Variants in MAPK8IP1 observed in about 807,000 individuals in gnomAD.
MAPK8IP1 encodes C-Jun-amino-terminal kinase-interacting protein 1.
A neutral mutation model predicts 72.6 loss-of-function variants in MAPK8IP1; 17 were observed. The observed-to-expected ratio is 0.23, with a 90% CI of 0.16 to 0.35. The LOEUF is 0.35. Ranked by LOEUF, MAPK8IP1 falls within the 10% of genes least tolerant of loss-of-function variation. MAPK8IP1 has a pLI of 1.00. For missense variants in MAPK8IP1, 789 were observed against 1,009.7 expected (o/e 0.78, Z 2.96); for synonymous variants, 401 against 443.4 (o/e 0.90, Z 1.20).
At chr11:45,887,733 C>T (rs1223592181) in intron 1 of MAPK8IP1, among the ~76,000 whole-genome samples, 1 of 152,126 alleles carries the variant, frequency 6.6e-6, no homozygotes. Context: ...TGGCAGTAGG[C>T]CACGAGGCTG....
At position 45,904,386 on chromosome 11, in the gene MAPK8IP1, C is replaced by G. The variant is rs2086685520; in HGVS notation, c.1667-69C>G. 1 of 1,377,414 alleles carries G rather than the reference C, an allele frequency of 7.3e-7. No homozygotes were observed. Among genetic ancestry groups the G allele is most frequent in the Non-Finnish European group, 1.0e-6 (1 of 973,734 alleles). The allele number at this position is 1,377,414 out of a possible 1,614,324, so 85.3% of individuals were successfully genotyped here. On this transcript the variant is annotated intron_variant, in intron 7 of 11. Coordinates refer to ENST00000241014, the MANE Select transcript of MAPK8IP1 (RefSeq NM_005456.4). The surrounding 1 kb of genome is among the most constrained non-coding windows in gnomAD (Gnocchi z 6.4). ...TGCCATTCCCCGTGCCTCACCCACCCTCCTTCACTTGGCTGCTCAGCTCCC... is the reference window on the plus strand; with the variant it reads ...TGCCATTCCCCGTGCCTCACCCACCGTCCTTCACTTGGCTGCTCAGCTCCC...
intron 1 of MAPK8IP1, chr11:45,896,796 C>T (rs2086609621): frequency 6.5e-7 from 1 of 1,541,240 alleles, no homozygotes; most frequent in South Asian, 1.2e-5. Flanking sequence ...CCCAGCCCTG[C>T]CTTGAGCCCT....
In MAPK8IP1 at chr11:45,905,740, T is replaced by G; in HGVS notation, c.*19T>G. 1.2e-6 allele frequency: 2 copies of G among 1,610,894 alleles called. No individual in the cohort carries two copies. Among genetic ancestry groups the G allele is most frequent in the Non-Finnish European group, 1.7e-6 (2 of 1,178,192 alleles). On this transcript the variant is annotated 3_prime_UTR_variant, in exon 12 of 12. Coordinates refer to ENST00000241014, the MANE Select transcript of MAPK8IP1 (RefSeq NM_005456.4). Reference sequence around the variant, plus strand: ...GGAGTAGCTGTGCAGCCCCGCCCTCTGCGTCCCCCAGCCCTCAGGCCAGTG... The same window carrying G: ...GGAGTAGCTGTGCAGCCCCGCCCTCGGCGTCCCCCAGCCCTCAGGCCAGTG...
Position 45,903,497 on chromosome 11 carries a change from C to A in MAPK8IP1, c.1493+57C>A. Reference sequence around the variant, plus strand: ...GGCAGCAGTTTGGGCCACACACCACCCTCTACTTGTCACCCCTACATGGCC... The same window carrying A: ...GGCAGCAGTTTGGGCCACACACCACACTCTACTTGTCACCCCTACATGGCC... On this transcript the variant is annotated intron_variant, in intron 6 of 11. Transcript: ENST00000241014. The surrounding 1 kb of genome is among the most constrained non-coding windows in gnomAD (Gnocchi z 6.4). 1 of 1,451,764 alleles carries A rather than the reference C, an allele frequency of 6.9e-7. No homozygotes were observed. Among genetic ancestry groups the A allele is most frequent in the Non-Finnish European group, 9.5e-7 (1 of 1,054,258 alleles). 89.9% of individuals were successfully genotyped at this position (1,451,764 alleles called of 1,614,324 possible).
intron 1 of MAPK8IP1, among the ~76,000 whole-genome samples, chr11:45,891,947 G>C (rs545144436): frequency 1.3e-5 from 2 of 152,324 alleles, no homozygotes; most frequent in African/African-American, 4.8e-5. Flanking sequence ...TTTCCTCGAA[G>C]CAGTTTCCCA....
At position 45,902,472 on chromosome 11, in the gene MAPK8IP1, C is replaced by T. The variant is rs539729449; in HGVS notation, c.705C>T (p.Ser235=). 2 of 1,603,278 alleles carry T rather than the reference C, an allele frequency of 1.2e-6. No individual in the cohort carries two copies. Among genetic ancestry groups the T allele is most frequent in the Admixed American group, 3.4e-5 (2 of 58,646 alleles). ...CAGATCGAGGCACCTCCACCGACAG[C>T]CCTTGCCGCCGCAGCACAGCCACCC... ...PTTDRGTSTD[S]PCRRSTATQM... Residue 235 remains serine, a synonymous_variant, in exon 5 of 12, where the codon AGC becomes AGT. Coordinates refer to ENST00000241014, the MANE Select transcript of MAPK8IP1 (RefSeq NM_005456.4). This position sits in a 1 kb window ranked among gnomAD's most constrained non-coding sequence, Gnocchi z 9.3.
chr11:45,905,146 T>C lies in MAPK8IP1; in HGVS notation c.1965-5T>C, dbSNP rs1020399929. On this transcript the variant is annotated splice_polypyrimidine_tract_variant and splice_region_variant and intron_variant, in intron 10 of 11. Coordinates refer to ENST00000241014, the MANE Select transcript of MAPK8IP1 (RefSeq NM_005456.4). ...GTCCCAGCACAGACAGACCTGTCCC[T>C]GCAGGTACTTTGGGTTCATCACCAA... The C allele has an allele frequency of 6.2e-7, 1 of 1,613,608 alleles. No homozygotes were observed. Among genetic ancestry groups the C allele is most frequent in the African/African-American group, 1.3e-5 (1 of 74,934 alleles).
chr11:45,905,009 C>T lies in MAPK8IP1; in HGVS notation c.1932C>T (p.Ile644=). Residue 644 remains isoleucine (I), a synonymous_variant, in exon 10 of 12, where the codon ATC becomes ATT. Coordinates refer to ENST00000241014, the MANE Select transcript of MAPK8IP1 (RefSeq NM_005456.4). ...KCSHFFQLKN[I]SFCGYHPKNN... ...GCCACTTTTTCCAGTTAAAAAACAT[C>T]TCTTTCTGCGGATATCATCCAAAGA... 1.2e-6 allele frequency: 2 copies of T among 1,614,176 alleles called. No individual in the cohort carries two copies. Among genetic ancestry groups the T allele is most frequent in the Non-Finnish European group, 1.7e-6 (2 of 1,180,030 alleles).
rs148247913 is a variant in MAPK8IP1, at chr11:45,902,409, C to T, written c.642C>T (p.Ser214=). The T allele has an allele frequency of 3.9e-4, 622 of 1,579,628 alleles. No homozygotes were observed. Among genetic ancestry groups the T allele is most frequent in the Non-Finnish European group, 5.0e-4 (577 of 1,163,804 alleles). ...QTPPHEHICL[S]DELPPQSGPA... ...CACCGCATGAACACATCTGCCTGAG[C>T]GATGAGCTGCCCCCCCAGAGCGGCC... Residue 214 remains serine (S), a synonymous_variant, in exon 5 of 12, where the codon AGC becomes AGT. Transcript: ENST00000241014. This position sits in a 1 kb window ranked among gnomAD's most constrained non-coding sequence, Gnocchi z 9.3.
rs1022611112 is a variant in MAPK8IP1, at chr11:45,906,063, C to T, written c.*342C>T. The T allele has an allele frequency of 1.7e-5, 8 of 472,678 alleles. No individual in the cohort carries two copies. Among genetic ancestry groups the T allele is most frequent in the Admixed American group, 1.0e-4 (3 of 29,038 alleles). The allele number at this position is 472,678 out of a possible 1,614,324, so 29.3% of individuals were successfully genotyped here. Reference sequence around the variant, plus strand: ...GGGCCTTACCTCCCCTGCCAGGGCTCGGGCGCTGTGGCTCCTGCCTTGATG... The same window carrying T: ...GGGCCTTACCTCCCCTGCCAGGGCTTGGGCGCTGTGGCTCCTGCCTTGATG... On this transcript the variant is annotated 3_prime_UTR_variant, in exon 12 of 12. Coordinates refer to ENST00000241014, the MANE Select transcript of MAPK8IP1 (RefSeq NM_005456.4).
Position 45,902,904 on chromosome 11 carries a change from C to T in MAPK8IP1, c.1137C>T (p.Val379=). Reference sequence around the variant, plus strand: ...CCAGCGCCCTGTCCTATGACTCTGTCAAGTACACGCTGGTGGTAGATGAGC... The same window carrying T: ...CCAGCGCCCTGTCCTATGACTCTGTTAAGTACACGCTGGTGGTAGATGAGC... The part of the protein sequence containing the change: ...SDTSALSYDS[V]KYTLVVDEHA... Residue 379 remains valine (V), a synonymous_variant, in exon 5 of 12, where the codon GTC becomes GTT. Transcript: ENST00000241014. This position sits in a 1 kb window ranked among gnomAD's most constrained non-coding sequence, Gnocchi z 9.3. 6.2e-7 allele frequency: 1 copy of T among 1,607,936 alleles called. No individual in the cohort carries two copies. Among genetic ancestry groups the T allele is most frequent in the Non-Finnish European group, 8.5e-7 (1 of 1,177,724 alleles).
intron 1 of MAPK8IP1, among the ~76,000 whole-genome samples, chr11:45,889,723 A>G (rs143793005): frequency 6.6e-6 from 1 of 152,184 alleles, no homozygotes; most frequent in Non-Finnish European, 1.5e-5. Context: ...TGGCTCCCCC[A>G]AGAGCACACA....
Position 45,900,027 on chromosome 11 carries a change from C to G in MAPK8IP1, c.208-111C>G. The G allele has an allele frequency of 7.4e-6, 5 of 673,126 alleles. No individual in the cohort carries two copies. Among genetic ancestry groups the G allele is most frequent in the Non-Finnish European group, 9.8e-6 (5 of 509,200 alleles). 41.7% of individuals were successfully genotyped at this position (673,126 alleles called of 1,614,324 possible). A position where few individuals can be genotyped will look rare whatever the true frequency, so the allele number is the denominator to read the frequency against. On this transcript the variant is annotated intron_variant, in intron 2 of 11. Coordinates refer to ENST00000241014, the MANE Select transcript of MAPK8IP1 (RefSeq NM_005456.4). The surrounding 1 kb of genome is among the most constrained non-coding windows in gnomAD (Gnocchi z 6.5). ...TCTCCGGCGGCCCCTGCTCGGCTCC[C>G]CTCGTGCCCCCTTCGCGCCACAGAA...
At chr11:45,895,634 ATATATAT>A (rs376278110) in intron 1 of MAPK8IP1, among the ~76,000 whole-genome samples, 1,465 of 114,236 alleles carry the variant, frequency 0.013, 84 homozygotes, top group Middle Eastern at 0.026. Flanking sequence ...AAAAAAAAAA[ATATATAT>A]ATATATATAT....
chr11:45,888,236 A>G (rs2086542195), intron 1 of MAPK8IP1, among the ~76,000 whole-genome samples: 1 of 152,210 alleles, frequency 6.6e-6, no homozygotes, highest in African/African-American at 2.4e-5. Flanking sequence ...TCTGTACCCA[A>G]ACTTTGGTAT....
chr11:45,902,771 G>A lies in MAPK8IP1; in HGVS notation c.1004G>A (p.Gly335Asp). Residue 335 changes from glycine to aspartate, a missense_variant, in exon 5 of 12, where the codon GGC becomes GAC. By Grantham distance (94) the Gly-to-Asp change is moderately conservative (BLOSUM62 -1). Transcript: ENST00000241014. The surrounding 1 kb of genome is among the most constrained non-coding windows in gnomAD (Gnocchi z 9.3). ...CCCTCCATCAGTGAAGAGGAAGAGG[G>A]CTTCGACTGCCTGTCGTCCCCAGAG... ...PHPSISEEEE[G>D]FDCLSSPERA... 6.3e-7 allele frequency: 1 copy of A among 1,598,384 alleles called. No homozygotes were observed. The highest frequency in any genetic ancestry group is 8.5e-7 in the Non-Finnish European group (1 of 1,176,168).
chr11:45,901,748 G>A (rs568438045), intron 3 of MAPK8IP1, among the ~76,000 whole-genome samples: 1 of 152,298 alleles, frequency 6.6e-6, no homozygotes, highest in Admixed American at 6.5e-5. Flanking sequence ...CTGAGGGTTG[G>A]CCAGCTTCCC....
intron 1 of MAPK8IP1, among the ~76,000 whole-genome samples, chr11:45,897,322 G>T (rs895900078): frequency 6.6e-5 from 10 of 152,094 alleles, no homozygotes; most frequent in African/African-American, 2.4e-4. Context: ...CTGGCCTAGG[G>T]AGAGGGGGGT....
Position 45,895,634 on chromosome 11 carries a change from ATATATATAT to A in MAPK8IP1, c.102-2450_102-2442del, listed in dbSNP as rs145946487. Among the ~76,000 whole-genome samples the A allele has an allele frequency of 1.5e-3, 168 of 114,284 alleles. 6 individuals are homozygous for A. Among genetic ancestry groups the A allele is most frequent in the African/African-American group, 7.1e-3 (165 of 23,260 alleles). The allele number at this position is 114,284 out of a possible 152,430, so 75.0% of individuals were successfully genotyped here. On this transcript the variant is annotated intron_variant, in intron 1 of 11. Transcript: ENST00000241014. ...AAGGCCGTCTCAAAAAAAAAAAAAA[ATATATATAT>A]ATATATATATATATATATGTGCAGA...
Sources: gnomAD v4.1 joint callset for allele counts (sites outside exome capture counted in the v4.1 genomes callset) on GRCh38, gnomAD v4.1.1 for gene constraint, Gnocchi (gnomAD v3.1) non-coding constraint, MANE v1.5 for transcripts, NCBI Gene and HGNC (gene_info 2026-07-23, HGNC 2026-07-21) for gene names.